The following RIMKLB variants were observed in gnomAD, a reference collection of about 807,000 sequenced individuals.
RIMKLB encodes the protein ribosomal modification protein rimK like family member B.
RIMKLB carries 7 observed loss-of-function variants against 32.0 expected under a neutral mutation model. The observed-to-expected ratio is 0.22, with a 90% CI of 0.12 to 0.41. The LOEUF (loss-of-function observed/expected upper bound fraction) is 0.41, where lower values mean the gene tolerates loss of function less well. Ranked by LOEUF, RIMKLB falls within the 10% of genes least tolerant of loss-of-function variation. The pLI is 1.00. For missense variants in RIMKLB, 289 were observed against 498.7 expected (o/e 0.58, Z 4.00); for synonymous variants, 172 against 185.1 (o/e 0.93, Z 0.57).
intron 5 of RIMKLB, among the ~76,000 whole-genome samples, chr12:8,763,034 G>A (rs1265206154): frequency 6.6e-6 from 1 of 152,224 alleles, no homozygotes; most frequent in African/African-American, 2.4e-5. Flanking sequence ...TAAGCAAATG[G>A]TTGTCTGACA....
chr12:8,736,105 T>A (rs767351563), intron 2 of RIMKLB, among the ~76,000 whole-genome samples: 2 of 152,342 alleles, frequency 1.3e-5, no homozygotes, highest in South Asian at 4.1e-4. Context: ...ACTGAAAGAT[T>A]TCTTCCTCAC....
the RIMKLB span, among the ~76,000 whole-genome samples, chr12:8,671,869 G>A: frequency 3.5e-4 from 54 of 152,192 alleles, no homozygotes; most frequent in African/African-American, 1.2e-3. Flanking sequence ...CTGAGATTGC[G>A]CCATTGCACT....
chr12:8,719,799 A>C (rs960986053), intron 2 of RIMKLB, among the ~76,000 whole-genome samples: 2 of 152,364 alleles, frequency 1.3e-5, no homozygotes, highest in East Asian at 3.9e-4. Flanking sequence ...CCAAGTAAAA[A>C]TACAAAATTG....
intron 1 of RIMKLB, among the ~76,000 whole-genome samples, chr12:8,710,370 C>T (rs745807408): frequency 6.1e-5 from 9 of 147,726 alleles, no homozygotes; most frequent in African/African-American, 7.5e-5. Context: ...AGCAGTGGCA[C>T]GATCTCCACT....
chr12:8,725,640 G>A (rs1012419980), intron 2 of RIMKLB, among the ~76,000 whole-genome samples: 2 of 152,204 alleles, frequency 1.3e-5, no homozygotes, highest in East Asian at 3.8e-4. Flanking sequence ...AGGAGCCAAG[G>A]GGAGCCCTGC....
chr12:8,735,419 G>A (rs1309262748), intron 2 of RIMKLB, among the ~76,000 whole-genome samples: 1 of 152,084 alleles, frequency 6.6e-6, no homozygotes, highest in Non-Finnish European at 1.5e-5. Flanking sequence ...TAGTAGAGAC[G>A]GGGCTTTGCC....
chr12:8,687,736 C>T (rs1042088479), intron 1 of RIMKLB, among the ~76,000 whole-genome samples: 2 of 149,340 alleles, frequency 1.3e-5, no homozygotes, highest in Non-Finnish European at 3.0e-5. Context: ...AGTCAGGGTA[C>T]TGGGGACCAG....
At chr12:8,709,555 C>T (rs772394787) in intron 1 of RIMKLB, among the ~76,000 whole-genome samples, 89 of 152,340 alleles carry the variant, frequency 5.8e-4, no homozygotes, top group African/African-American at 1.9e-3. Flanking sequence ...TGGAGCACCC[C>T]TAAGAAGGCA....
At chr12:8,713,611 C>T in intron 1 of RIMKLB, 200 bp from the exon 2 acceptor site, 1 of 423,844 alleles carries the variant, frequency 2.4e-6, no homozygotes. Context: ...ATGGAGAAAT[C>T]ATATTTCTGA....
At chr12:8,782,867 C>G (rs747783982) in intron 7 of RIMKLB, 1 of 152,236 alleles carries the variant, frequency 6.6e-6, no homozygotes, top group South Asian at 2.1e-4. Context: ...GTTATAGAGA[C>G]TTTTAAAATC....
intron 2 of RIMKLB, among the ~76,000 whole-genome samples, chr12:8,734,921 G>A (rs899679722): frequency 1.2e-4 from 18 of 152,174 alleles, no homozygotes; most frequent in Non-Finnish European, 2.5e-4. Flanking sequence ...GGAGTTCTTT[G>A]TAGTCCTTTT....
chr12:8,741,923 C>CTTTTTTT lies in RIMKLB; in HGVS notation c.176-7935_176-7929dup, dbSNP rs145008488. On this transcript the variant is annotated intron_variant, in intron 2 of 5. Coordinates refer to ENST00000535829, the MANE Select transcript of RIMKLB (RefSeq NM_001297776.2). ...AGTTTAAATTATTAAAAAAGGAGAGCTTTTTTTTTTGTTTTTTTTGAGAGA... is the reference window on the plus strand; with the variant it reads ...AGTTTAAATTATTAAAAAAGGAGAGCTTTTTTTTTTTTTTTTTGTTTTTTTTGAGAGA... Among the ~76,000 whole-genome samples the CTTTTTTT allele has an allele frequency of 9.8e-4, 144 of 146,720 alleles. 2 individuals carry two copies. The highest frequency in any genetic ancestry group is 3.6e-3 in the African/African-American group (139 of 38,762).
intron 1 of RIMKLB, among the ~76,000 whole-genome samples, chr12:8,683,053 T>C (rs188205011): frequency 1.5e-3 from 234 of 152,312 alleles, no homozygotes; most frequent in Non-Finnish European, 2.7e-3. Context: ...AGTAATATGC[T>C]CTTAAGGTTC....
chr12:8,695,190 C>T (rs1333337671), upstream of RIMKLB, among the ~76,000 whole-genome samples: 2 of 132,822 alleles, frequency 1.5e-5, no homozygotes, highest in African/African-American at 5.8e-5. Context: ...CGCACCGCCC[C>T]GCCCCCCCGC....
intron 5 of RIMKLB, among the ~76,000 whole-genome samples, chr12:8,767,215 TTCTCTTTCTCTCTTTGGCCCCCTTTGTC>T (rs1207282799): frequency 1.3e-5 from 2 of 152,234 alleles, no homozygotes; most frequent in African/African-American, 4.8e-5. Flanking sequence ...ACTTCTATCT[TTCTCTTTCTCTCTTTGGCCCCCTTTGTC>T]TCTCTTTCTC....
intron 2 of RIMKLB, among the ~76,000 whole-genome samples, chr12:8,747,880 C>T (rs1328176271): frequency 2.6e-5 from 4 of 151,912 alleles, no homozygotes; most frequent in Admixed American, 6.6e-5. Flanking sequence ...CTTAGCCTCC[C>T]GAGTAGCTGA....
At chr12:8,747,411 C>A (rs1049448405) in intron 2 of RIMKLB, among the ~76,000 whole-genome samples, 1 of 152,004 alleles carries the variant, frequency 6.6e-6, no homozygotes, top group Admixed American at 6.6e-5. Flanking sequence ...ACACACACAC[C>A]CCCGGCTCAT....
chr12:8,755,674 G>A (rs979693654), intron 5 of RIMKLB, among the ~76,000 whole-genome samples: 4 of 151,974 alleles, frequency 2.6e-5, no homozygotes, highest in Admixed American at 6.6e-5. Context: ...GTGATATGAC[G>A]GATGCTTTTA....
At chr12:8,777,269 T>C (rs1490906327), downstream of RIMKLB, 1 of 958,162 alleles carries the variant, frequency 1.0e-6, no homozygotes, top group Non-Finnish European at 1.2e-6. Context: ...CAAAGTTTCA[T>C]TTAAAATACA....
Sources: gnomAD v4.1 joint callset for allele counts (sites outside exome capture counted in the v4.1 genomes callset) on GRCh38, gnomAD v4.1.1 for gene constraint, MANE v1.5 for transcripts, NCBI Gene and HGNC (gene_info 2026-07-23, HGNC 2026-07-21) for gene names.